Variants in CDC16 observed in about 807,000 individuals in gnomAD.
CDC16 encodes cell division cycle protein 16 homolog.
CDC16 carries 34 observed loss-of-function variants against 87.0 expected under a neutral mutation model. The observed-to-expected ratio is 0.39, with a 90% CI of 0.30 to 0.52. The LOEUF (loss-of-function observed/expected upper bound fraction) is 0.52, where lower values mean the gene tolerates loss of function less well. CDC16 is among the 20% of genes least tolerant of loss of function. The pLI is 0.74. For synonymous variants in CDC16, 263 were observed against 260.6 expected (o/e 1.01, Z -0.09); for missense variants, 653 against 751.9 (o/e 0.87, Z 1.54).
At position 114,236,854 on chromosome 13, in the gene CDC16, T is replaced by C; in HGVS notation, c.159T>C (p.Tyr53=). The C allele has an allele frequency of 1.2e-6, 2 of 1,607,950 alleles. No homozygotes were observed. The highest frequency in any genetic ancestry group is 1.7e-6 in the Non-Finnish European group (2 of 1,178,258). The change falls in exon 3 of 18, where the codon TAT becomes TAC. Residue 53 remains tyrosine (Y), a synonymous_variant. Coordinates refer to ENST00000356221, the MANE Select transcript of CDC16 (RefSeq NM_001078645.3). ...LAQCLYLTAQ[Y]HRAAHALRSR... Reference sequence around the variant, plus strand: ...AGTGTCTTTACCTGACAGCACAATATCACAGAGCCGCCCATGCACTTCGGT... The same window carrying C: ...AGTGTCTTTACCTGACAGCACAATACCACAGAGCCGCCCATGCACTTCGGT...
chr13:114,254,955 G>T (rs1170527685), intron 12 of CDC16, among the ~76,000 whole-genome samples: 1 of 152,120 alleles, frequency 6.6e-6, no homozygotes, highest in African/African-American at 2.4e-5. Context: ...ATAAAATTTG[G>T]TCTCTGCAAC....
chr13:114,239,083 A>G, intron 4 of CDC16, 55 bp downstream of exon 4: 14 of 911,748 alleles, frequency 1.5e-5, no homozygotes, highest in African/African-American at 5.7e-5. Context: ...AGTGTTATGC[A>G]TCTCTTAAAT....
At chr13:114,242,954 C>G (rs1178925666) in intron 6 of CDC16, among the ~76,000 whole-genome samples, 3 of 152,108 alleles carry the variant, frequency 2.0e-5, no homozygotes, top group African/African-American at 7.2e-5. Flanking sequence ...AGTACACAGG[C>G]TCCCCTGTTC....
At chr13:114,267,719 C>T (rs1489977296) in intron 17 of CDC16, among the ~76,000 whole-genome samples, 1 of 152,032 alleles carries the variant, frequency 6.6e-6, no homozygotes, top group Non-Finnish European at 1.5e-5. Context: ...AAGTTCATAC[C>T]AAAAGTAGTA....
At chr13:114,253,069 C>G (rs1022574126) in intron 12 of CDC16, among the ~76,000 whole-genome samples, 2 of 152,192 alleles carry the variant, frequency 1.3e-5, no homozygotes, top group Non-Finnish European at 2.9e-5. Context: ...CACCACAATC[C>G]AGCCTGGGTG....
At chr13:114,265,717 G>A (rs2083163624) in intron 17 of CDC16, among the ~76,000 whole-genome samples, 2 of 152,156 alleles carry the variant, frequency 1.3e-5, no homozygotes, top group African/African-American at 4.8e-5. Context: ...TTGGGCACTC[G>A]TTTAGTTATA....
At chr13:114,242,906 CTAGTGGT>C (rs1314637027) in intron 6 of CDC16, among the ~76,000 whole-genome samples, 2 of 152,186 alleles carry the variant, frequency 1.3e-5, no homozygotes, top group Non-Finnish European at 2.9e-5. Context: ...CTGCTGGTAT[CTAGTGGT>C]TAGTGGCCAG....
In CDC16 at chr13:114,239,668, C is replaced by A. The variant is rs57562477; in HGVS notation, c.381+178C>A. Reference sequence around the variant, plus strand: ...TGAGACATTTCTGAGCCCTTAGTTGCAAGCTGTAATTGTATCCGCAGATGC... The same window carrying A: ...TGAGACATTTCTGAGCCCTTAGTTGAAAGCTGTAATTGTATCCGCAGATGC... On this transcript the variant is annotated intron_variant, in intron 5 of 17. Coordinates refer to ENST00000356221, the MANE Select transcript of CDC16 (RefSeq NM_001078645.3). Among the ~76,000 whole-genome samples the A allele has an allele frequency of 3.2e-4, 49 of 152,310 alleles. No homozygotes were observed. In the East Asian group the frequency reaches 9.3e-3, roughly 29 times the overall value.
intron 5 of CDC16, among the ~76,000 whole-genome samples, 164 bp from the exon 6 acceptor site, chr13:114,241,957 G>A (rs2081573576): frequency 6.6e-6 from 1 of 152,278 alleles, no homozygotes; most frequent in East Asian, 1.9e-4. Flanking sequence ...GGCTGAGGCA[G>A]GAGGGTCATT....
chr13:114,236,769 C>T (rs759554338), intron 2 of CDC16, 30 bp from the exon 3 acceptor site: 1 of 1,612,552 alleles, frequency 6.2e-7, no homozygotes, highest in Non-Finnish European at 8.5e-7. Flanking sequence ...CCTTGTACCT[C>T]TGACCACTTA....
At chr13:114,248,742 G>C (rs2081998428) in intron 11 of CDC16, among the ~76,000 whole-genome samples, 1 of 152,120 alleles carries the variant, frequency 6.6e-6, no homozygotes, top group Non-Finnish European at 1.5e-5. Flanking sequence ...GGATTGTTAG[G>C]AAGACTGATG....
intron 11 of CDC16, among the ~76,000 whole-genome samples, chr13:114,249,528 G>A (rs1233403410): frequency 6.6e-6 from 1 of 152,130 alleles, no homozygotes; most frequent in East Asian, 1.9e-4. Context: ...ATACAAGGAA[G>A]TAGGGTATCA....
chr13:114,271,558 T>A (rs1424614806), intron 17 of CDC16, among the ~76,000 whole-genome samples: 1 of 151,942 alleles, frequency 6.6e-6, no homozygotes, highest in African/African-American at 2.4e-5. Context: ...CACTGCAAGC[T>A]CCATCTCCTG....
intron 15 of CDC16, among the ~76,000 whole-genome samples, chr13:114,262,338 G>A: frequency 6.6e-6 from 1 of 152,198 alleles, no homozygotes; most frequent in East Asian, 1.9e-4. Flanking sequence ...GATTTAACAA[G>A]TATTTCTATT....
In CDC16 at chr13:114,245,931, G is replaced by A. The variant is rs17291222; in HGVS notation, c.848-69G>A. ...CAGAATTATATGATTGTGAAGAGTT[G>A]TAATGAAATCATGTCTTAAATTACA... On this transcript the variant is annotated intron_variant, in intron 9 of 17. Coordinates refer to ENST00000356221, the MANE Select transcript of CDC16 (RefSeq NM_001078645.3). 3,252 of 804,630 alleles carry A rather than the reference G, an allele frequency of 4.0e-3. 92 individuals are homozygous for A. The African/African-American group carries it at 0.051, about 13-fold the overall frequency. 49.8% of individuals were successfully genotyped at this position (804,630 alleles called of 1,614,324 possible). A position where few individuals can be genotyped will look rare whatever the true frequency, so the allele number is the denominator to read the frequency against.
Position 114,245,085 on chromosome 13 carries a change from G to C in CDC16, c.847+116G>C, listed in dbSNP as rs974349036. 5.3e-6 allele frequency: 3 copies of C among 568,632 alleles called. No homozygotes were observed. The African/African-American group carries it at 5.8e-5, about 11-fold the overall frequency. The allele number at this position is 568,632 out of a possible 1,614,324, so 35.2% of individuals were successfully genotyped here. A position where few individuals can be genotyped will look rare whatever the true frequency, so the allele number is the denominator to read the frequency against. ...TGAGATTGCAGGTAACAACATAATG[G>C]AACCCTACTATAAAAGTAACAACTG... On this transcript the variant is annotated intron_variant, in intron 9 of 17. Coordinates refer to ENST00000356221, the MANE Select transcript of CDC16 (RefSeq NM_001078645.3).
At chr13:114,269,190 C>G (rs1158297046) in intron 17 of CDC16, among the ~76,000 whole-genome samples, 1 of 152,148 alleles carries the variant, frequency 6.6e-6, no homozygotes, top group Non-Finnish European at 1.5e-5. Context: ...GTAGGGAGCT[C>G]AGCTTGGGTG....
At chr13:114,268,237 G>T (rs905770537) in intron 17 of CDC16, among the ~76,000 whole-genome samples, 13 of 152,284 alleles carry the variant, frequency 8.5e-5, no homozygotes, top group Middle Eastern at 3.4e-3. Flanking sequence ...AAGGGAAAAA[G>T]AAATGAAAAA....
chr13:114,251,924 C>G (rs5017094), intron 12 of CDC16, among the ~76,000 whole-genome samples: 1,674 of 151,966 alleles, frequency 0.011, 83 homozygotes, highest in Admixed American at 0.078. Context: ...TACACTAGCC[C>G]TGTTGGATAA....
Sources: allele counts gnomAD v4.1 joint callset (sites outside exome capture counted in the v4.1 genomes callset), GRCh38; gene constraint gnomAD v4.1.1; transcripts MANE v1.5; gene names NCBI Gene and HGNC (gene_info 2026-07-23, HGNC 2026-07-21).